Variants in UQCRC1 observed in about 807,000 individuals in gnomAD.
UQCRC1 encodes the protein ubiquinol-cytochrome c reductase core protein 1.
In UQCRC1, 34 loss-of-function variants were observed where a neutral mutation model predicts 58.0. That is an observed-to-expected ratio of 0.59 (90% CI 0.45 to 0.78). UQCRC1 has a LOEUF of 0.78. UQCRC1 is among the 30% of genes least tolerant of loss of function. UQCRC1 has a pLI of 0.00. For missense variants in UQCRC1, 610 were observed against 646.0 expected, an observed-to-expected ratio of 0.94 and a Z score of 0.60; for synonymous variants, 276 against 248.8, an observed-to-expected ratio of 1.11 and a Z score of -1.03.
chr3:48,600,331 C>A, intron 10 of UQCRC1, 151 bp downstream of exon 10: 2 of 1,091,892 alleles, frequency 1.8e-6, no homozygotes, highest in Admixed American at 2.1e-5. Flanking sequence ...CTGTCTCACA[C>A]CTGCCTGCAT....
In UQCRC1 at chr3:48,599,076, G is replaced by C. The variant is rs8547; in HGVS notation, c.*52C>G. The C allele has an allele frequency of 1.4e-5, 22 of 1,595,946 alleles. No individual in the cohort carries two copies. Among genetic ancestry groups the C allele is most frequent in the Admixed American group, 5.0e-5 (3 of 59,566 alleles). Reference sequence around the variant, plus strand: ...AGCCGAAGTGCTGTGTTTGTGGTGGGGGGGGGACCACAAACCCCGGCCCTG... The same window carrying C: ...AGCCGAAGTGCTGTGTTTGTGGTGGCGGGGGGACCACAAACCCCGGCCCTG... On this transcript the variant is annotated 3_prime_UTR_variant, in exon 13 of 13. Transcript: ENST00000203407.
At chr3:48,601,288 T>C (rs1469109741) in intron 7 of UQCRC1, 64 bp downstream of exon 7, 2 of 1,588,220 alleles carry the variant, frequency 1.3e-6, no homozygotes, top group African/African-American at 1.3e-5. Flanking sequence ...AGGATAACCA[T>C]GCACATGGGG....
intron 3 of UQCRC1, among the ~76,000 whole-genome samples, chr3:48,605,050 A>G (rs2046398998): frequency 6.6e-6 from 1 of 152,180 alleles, no homozygotes; most frequent in African/African-American, 2.4e-5. Context: ...AGCTCCTGTA[A>G]CAGCTTACCA....
chr3:48,609,336 G>C (rs769614347), intron 1 of UQCRC1, 34 bp from the exon 2 acceptor site: 25 of 1,587,796 alleles, frequency 1.6e-5, no homozygotes, highest in Admixed American at 1.2e-4. Flanking sequence ...TGAGGACTCG[G>C]TCAGGGGATC....
chr3:48,607,696 T>C (rs2046426745), intron 2 of UQCRC1, among the ~76,000 whole-genome samples: 1 of 152,134 alleles, frequency 6.6e-6, no homozygotes, highest in Non-Finnish European at 1.5e-5. Flanking sequence ...AGCCCTGGAA[T>C]TACTGGTGTA....
At chr3:48,600,416 T>G in intron 10 of UQCRC1, 66 bp downstream of exon 10, 11 of 1,590,208 alleles carry the variant, frequency 6.9e-6, no homozygotes, top group Non-Finnish European at 6.9e-6. Flanking sequence ...TTAGGAGCAG[T>G]GGCCACCTTG....
intron 6 of UQCRC1, 102 bp from the exon 7 acceptor site, chr3:48,601,569 G>A: frequency 1.0e-6 from 1 of 981,786 alleles, no homozygotes; most frequent in Non-Finnish European, 1.6e-6. Flanking sequence ...GTCTTAGTGG[G>A]AGAAACCAGG....
At chr3:48,609,080 G>C in intron 2 of UQCRC1, 82 bp downstream of exon 2, 1 of 1,520,494 alleles carries the variant, frequency 6.6e-7, no homozygotes, top group Non-Finnish European at 8.9e-7. Context: ...GGGAAGACTC[G>C]AGCCCAAGGT....
rs557543632 is a variant in UQCRC1 at position 48,600,462 on chromosome 3, C to G, written c.1213+20G>C. ...TGGCAAGATGTACTCTACCCCTCCC[C>G]GCTGAGCTGTAGGACTCACCATCTA... is the stretch of plus-strand genomic sequence containing the variant. On this transcript the variant is annotated intron_variant, in intron 10 of 12. Coordinates refer to ENST00000203407, the MANE Select transcript of UQCRC1 (RefSeq NM_003365.3). The G allele has an allele frequency of 1.9e-6, 3 of 1,614,022 alleles. No individual in the cohort carries two copies. The highest frequency in any genetic ancestry group is 1.7e-4 in the Middle Eastern group (1 of 6,060).
At chr3:48,604,498 C>T in intron 4 of UQCRC1, 67 bp from the exon 5 acceptor site, 1 of 1,594,056 alleles carries the variant, frequency 6.3e-7, no homozygotes, top group Non-Finnish European at 8.6e-7. Context: ...GCACAAAATC[C>T]CCAGGCCTGG....
Position 48,604,304 on chromosome 3 carries a change from G to T in UQCRC1, c.555C>A (p.Asn185Lys). ...CCTGGAATGCTGTGGCATGCAGGTA[G>T]TTAAAGACCACATCTCGCATAGATG... ...NDASMRDVVF[N>K]YLHATAFQGT... Residue 185 changes from asparagine to lysine, a missense_variant, in exon 5 of 13, where the codon AAC becomes AAA. Coordinates refer to ENST00000203407, the MANE Select transcript of UQCRC1 (RefSeq NM_003365.3). The T allele has an allele frequency of 6.2e-7, 1 of 1,613,884 alleles. No individual in the cohort carries two copies. The highest frequency in any genetic ancestry group is 8.5e-7 in the Non-Finnish European group (1 of 1,180,042).
intron 2 of UQCRC1, among the ~76,000 whole-genome samples, chr3:48,608,901 C>T (rs2046437053): frequency 6.6e-6 from 1 of 152,176 alleles, no homozygotes; most frequent in South Asian, 2.1e-4. Context: ...TATATGGGCT[C>T]CTTAACAAAA....
At position 48,600,544 on chromosome 3, in the gene UQCRC1, G is replaced by A. The variant is rs748263288; in HGVS notation, c.1151C>T (p.Thr384Met). ...TTTGCCCCGGGCCACCTCACTCTCC[G>A]TGGCACTGGTACACAGGCGCATCCT... ...GQWMRLCTSA[T>M]ESEVARGKNI... The change falls in exon 10 of 13, where the codon ACG becomes ATG. Residue 384 changes from threonine (T) to methionine (M), a missense_variant. Physicochemically the swap from Thr to Met is moderately conservative, Grantham distance 81 (BLOSUM62 -1). Coordinates refer to ENST00000203407, the MANE Select transcript of UQCRC1 (RefSeq NM_003365.3). 11 of 1,614,056 alleles carry A rather than the reference G, an allele frequency of 6.8e-6. No homozygotes were observed. Among genetic ancestry groups the A allele is most frequent in the East Asian group, 2.2e-5 (1 of 44,868 alleles).
At position 48,600,540 on chromosome 3, in the gene UQCRC1, C is replaced by T; in HGVS notation, c.1155G>A (p.Glu385=). The T allele has an allele frequency of 1.2e-6, 2 of 1,614,144 alleles. No homozygotes were observed. The highest frequency in any genetic ancestry group is 8.5e-7 in the Non-Finnish European group (1 of 1,180,024). ...QWMRLCTSAT[E]SEVARGKNIL... ...TGTTTTTGCCCCGGGCCACCTCACT[C>T]TCCGTGGCACTGGTACACAGGCGCA... Residue 385 remains glutamate, a synonymous_variant, in exon 10 of 13, where the codon GAG becomes GAA. Coordinates refer to ENST00000203407, the MANE Select transcript of UQCRC1 (RefSeq NM_003365.3).
At chr3:48,606,359 T>C (rs988595432) in intron 2 of UQCRC1, among the ~76,000 whole-genome samples, 4 of 152,204 alleles carry the variant, frequency 2.6e-5, no homozygotes, top group African/African-American at 9.6e-5. Context: ...ATCTTTTTTG[T>C]TGTTGTTTTT....
intron 2 of UQCRC1, among the ~76,000 whole-genome samples, chr3:48,607,969 C>T (rs1489832382): frequency 2.0e-5 from 3 of 152,164 alleles, no homozygotes; most frequent in Admixed American, 6.5e-5. Context: ...GGATTACAGG[C>T]GTGTGCCATG....
Position 48,609,600 on chromosome 3 carries a change from A to G in UQCRC1, c.21T>C (p.Cys7=). ...CTTGTGCCCCGGCGGTAGCGGCCCG[A>G]CAGACCACGGACGCCGCCATCTTCC... MAASVV[C]RAATAGAQVL... is the part of the protein sequence containing the mutation. The change falls in exon 1 of 13, where the codon TGT becomes TGC. Residue 7 remains cysteine, a synonymous_variant. Coordinates refer to ENST00000203407, the MANE Select transcript of UQCRC1 (RefSeq NM_003365.3). 2 of 1,570,670 alleles carry G rather than the reference A, an allele frequency of 1.3e-6. No individual in the cohort carries two copies. The highest frequency in any genetic ancestry group is 1.2e-5 in the South Asian group (1 of 86,924).
chr3:48,599,468 T>G, intron 12 of UQCRC1, 167 bp downstream of exon 12: 1 of 771,374 alleles, frequency 1.3e-6, no homozygotes, highest in East Asian at 2.7e-5. Flanking sequence ...CTGGGACAGG[T>G]TTTCTGAGCA....
chr3:48,599,549 C>T (rs113291815), intron 12 of UQCRC1, 86 bp downstream of exon 12: 5 of 1,448,982 alleles, frequency 3.5e-6, no homozygotes, highest in Non-Finnish European at 4.8e-6. Flanking sequence ...GTAAGCTGAG[C>T]AGCAGTGCGG....
Sources: gnomAD v4.1 joint callset for allele counts (sites outside exome capture counted in the v4.1 genomes callset) on GRCh38, gnomAD v4.1.1 for gene constraint, MANE v1.5 for transcripts, NCBI Gene and HGNC (gene_info 2026-07-23, HGNC 2026-07-21) for gene names.